The following RPAP1 variants were observed in gnomAD, a reference collection of about 807,000 sequenced individuals.
RPAP1 encodes RNA polymerase II-associated protein 1.
RPAP1 carries 109 observed loss-of-function variants against 142.4 expected under a neutral mutation model. That is an observed-to-expected ratio of 0.77 (90% CI 0.66 to 0.90). The LOEUF is 0.90. RPAP1 is among the 40% of genes least tolerant of loss of function. RPAP1 has a pLI of 0.00. For synonymous variants in RPAP1, 704 were observed against 738.9 expected (o/e 0.95, Z 0.77); for missense variants, 1,546 against 1,751.7 (o/e 0.88, Z 2.10).
At position 41,527,072 on chromosome 15, in the gene RPAP1, T is replaced by C. The variant is rs532481466; in HGVS notation, c.1747-4A>G. On this transcript the variant is annotated splice_region_variant and splice_polypyrimidine_tract_variant and intron_variant, in intron 13 of 24. Coordinates refer to ENST00000304330, the MANE Select transcript of RPAP1 (RefSeq NM_015540.4). ...TCAGCCGAGGGCACTCCAGGACCTA[T>C]GGGAGACAGGAGGTAAAAGGGAGGA... The C allele has an allele frequency of 5.6e-6, 9 of 1,613,574 alleles. No individual in the cohort carries two copies. Among genetic ancestry groups the C allele is most frequent in the East Asian group, 2.2e-5 (1 of 44,862 alleles).
rs764798018 is a variant in RPAP1 at position 41,521,143 on chromosome 15, T to C, written c.3043A>G (p.Arg1015Gly). 1.3e-5 allele frequency: 19 copies of C among 1,510,090 alleles called. No individual in the cohort carries two copies. The highest frequency in any genetic ancestry group is 8.1e-5 in the South Asian group (6 of 74,266). The allele number at this position is 1,510,090 out of a possible 1,614,324, so 93.5% of individuals were successfully genotyped here. ...CVFRLEFLPE[R>G]TSGGPEAADF... ...GCTGCCTCTGGACCCCCTGATGTTC[T>C]TTCCCTGTAATGGGACCCAAAAGCC... is the stretch of plus-strand genomic sequence containing the variant. The change falls in exon 22 of 25, where the codon AGA (arginine) becomes GGA (glycine). Residue 1015 changes from arginine to glycine, a missense_variant. Arg to Gly is a moderately radical substitution (Grantham distance 125). Around this residue, in one of 3 missense-constraint regions of RPAP1, gnomAD observed 1,333 missense variants for 1,486.6 expected, o/e 0.90. Coordinates refer to ENST00000304330, the MANE Select transcript of RPAP1 (RefSeq NM_015540.4).
rs1488896286 is a variant in RPAP1, at chr15:41,521,902, A to G, written c.2896-22T>C. 4 of 1,609,802 alleles carry G rather than the reference A, an allele frequency of 2.5e-6. No homozygotes were observed. In the African/African-American group the frequency reaches 5.3e-5, roughly 22 times the overall value. The stretch of plus-strand genomic sequence containing the variant: ...CTGCCTGCAGACAGAAAAGCAGGGA[A>G]CTACCTAGTACAGGAGAAGGGGACG... On this transcript the variant is annotated intron_variant, in intron 20 of 24. Transcript: ENST00000304330.
At position 41,522,478 on chromosome 15, in the gene RPAP1, C is replaced by T. The variant is rs2051737616; in HGVS notation, c.2743-228G>A. The T allele has an allele frequency of 7.0e-6, 4 of 573,490 alleles. No homozygotes were observed. The South Asian group carries it at 8.9e-5, about 13-fold the overall frequency. 35.5% of individuals were successfully genotyped at this position (573,490 alleles called of 1,614,324 possible). ...TGATCTCAGCTCACCGCAGCCTCCG[C>T]CTCCCGGGTTCAAGTGATTCTCCTG... On this transcript the variant is annotated intron_variant, in intron 19 of 24. Coordinates refer to ENST00000304330, the MANE Select transcript of RPAP1 (RefSeq NM_015540.4).
chr15:41,532,311 C>T (rs1282806891), intron 6 of RPAP1, among the ~76,000 whole-genome samples: 1 of 152,034 alleles, frequency 6.6e-6, no homozygotes, highest in Non-Finnish European at 1.5e-5. Flanking sequence ...TGAGCCTCCA[C>T]ACCTGGCTGT....
intron 2 of RPAP1, 90 bp downstream of exon 2, chr15:41,536,849 AATAATG>A: frequency 6.8e-7 from 1 of 1,465,146 alleles, no homozygotes; most frequent in Non-Finnish European, 9.3e-7. Context: ...TGTCTGAAAT[AATAATG>A]ATGTGTCTGA....
chr15:41,532,843 G>T (rs908284348), intron 6 of RPAP1, among the ~76,000 whole-genome samples: 1 of 151,948 alleles, frequency 6.6e-6, no homozygotes, highest in Non-Finnish European at 1.5e-5. Flanking sequence ...GCTGGGTGTG[G>T]TGGTGCACAT....
intron 6 of RPAP1, 131 bp downstream of exon 6, chr15:41,534,583 C>CAAAAA (rs764568682): frequency 1.1e-4 from 20 of 179,482 alleles, no homozygotes; most frequent in Middle Eastern, 1.8e-3. Flanking sequence ...AAGACCATCT[C>CAAAAA]AAAAAAAAAA....
chr15:41,539,640 G>A (rs1250150970), intron 1 of RPAP1, among the ~76,000 whole-genome samples: 4 of 151,970 alleles, frequency 2.6e-5, no homozygotes, highest in Non-Finnish European at 5.9e-5. Flanking sequence ...ATGTTGTACA[G>A]GCTGGTCTCG....
intron 14 of RPAP1, 30 bp from the exon 15 acceptor site, chr15:41,525,178 G>A (rs762777279): frequency 1.9e-6 from 3 of 1,570,552 alleles, no homozygotes; most frequent in African/African-American, 2.7e-5. Flanking sequence ...GAGGATCAGG[G>A]TCAGCTGTGA....
In RPAP1 at chr15:41,524,258, G is replaced by A; in HGVS notation, c.2076-4C>T. The A allele has an allele frequency of 6.6e-7, 1 of 1,515,900 alleles. No homozygotes were observed. The highest frequency in any genetic ancestry group is 8.8e-7 in the Non-Finnish European group (1 of 1,132,172). The allele number at this position is 1,515,900 out of a possible 1,614,324, so 93.9% of individuals were successfully genotyped here. ...CATCAGCACTGGGTAGAGCTCCCTAGGGAAGAACAGGGACTGATTTTCACT... is the reference window on the plus strand; with the variant it reads ...CATCAGCACTGGGTAGAGCTCCCTAAGGAAGAACAGGGACTGATTTTCACT... On this transcript the variant is annotated splice_region_variant and splice_polypyrimidine_tract_variant and intron_variant, in intron 15 of 24. Transcript: ENST00000304330.
chr15:41,539,892 G>A (rs2140792021), intron 1 of RPAP1, among the ~76,000 whole-genome samples: 1 of 152,154 alleles, frequency 6.6e-6, no homozygotes. Flanking sequence ...AATTAGCCGG[G>A]TGTGGTGGCA....
At chr15:41,518,658 AAC>A (rs2051693329) in intron 22 of RPAP1, among the ~76,000 whole-genome samples, 1 of 149,334 alleles carries the variant, frequency 6.7e-6, no homozygotes, top group South Asian at 2.1e-4. Context: ...CAGCCTGGGC[AAC>A]AGAGCAAGAC....
At chr15:41,536,410 AC>A in intron 3 of RPAP1, 90 bp downstream of exon 3, 1 of 1,519,340 alleles carries the variant, frequency 6.6e-7, no homozygotes. Context: ...TTTCTGAAGC[AC>A]CCTCCACTGA....
At chr15:41,521,236 T>C (rs1479484080) in intron 21 of RPAP1, 89 bp from the exon 22 acceptor site, 46 of 1,323,380 alleles carry the variant, frequency 3.5e-5, no homozygotes, top group Non-Finnish European at 4.8e-5. Context: ...TGGAGGCTCC[T>C]AGGTCCAGAC....
In RPAP1 at chr15:41,536,985, C is replaced by T; in HGVS notation, c.141G>A (p.Arg47=). The T allele has an allele frequency of 1.2e-6, 2 of 1,614,102 alleles. No individual in the cohort carries two copies. Among genetic ancestry groups the T allele is most frequent in the Non-Finnish European group, 1.7e-6 (2 of 1,180,022 alleles). ...CATCCCGATGGTCCTGGAGCGGAGG[C>T]CGGTCTGAGTTGGCATCACCACCGC... ...NRGGGDANSD[R]PPLQDHRDVV... The change falls in exon 2 of 25, where the codon CGG becomes CGA. Residue 47 remains arginine (R), a synonymous_variant. Transcript: ENST00000304330.
Position 41,536,228 on chromosome 15 carries a change from C to A in RPAP1, c.331-10G>T. The A allele has an allele frequency of 6.2e-7, 1 of 1,613,056 alleles. No individual in the cohort carries two copies. Among genetic ancestry groups the A allele is most frequent in the Non-Finnish European group, 8.5e-7 (1 of 1,179,184 alleles). On this transcript the variant is annotated splice_polypyrimidine_tract_variant and intron_variant, in intron 3 of 24. Coordinates refer to ENST00000304330, the MANE Select transcript of RPAP1 (RefSeq NM_015540.4). ...AACTTGTATCTCGTTCCTGTAGCAACAAAGCACAAAGTTGTGAAGCACAAT... is the reference window on the plus strand; with the variant it reads ...AACTTGTATCTCGTTCCTGTAGCAAAAAAGCACAAAGTTGTGAAGCACAAT...
chr15:41,543,383 G>A (rs988923488), intron 1 of RPAP1, among the ~76,000 whole-genome samples: 1 of 151,740 alleles, frequency 6.6e-6, no homozygotes, highest in Non-Finnish European at 1.5e-5. Context: ...CTAATTTTTT[G>A]TATTTTTTTA....
chr15:41,521,982 G>T, intron 20 of RPAP1, 102 bp from the exon 21 acceptor site: 1 of 1,558,132 alleles, frequency 6.4e-7, no homozygotes, highest in East Asian at 2.3e-5. Flanking sequence ...CAGAGGTCCA[G>T]GGCATGTCTG....
rs575978774 is a variant in RPAP1 at position 41,535,583 on chromosome 15, G to A, written c.470C>T (p.Ala157Val). The A allele has an allele frequency of 2.7e-5, 44 of 1,613,834 alleles. No individual in the cohort carries two copies. Among genetic ancestry groups the A allele is most frequent in the South Asian group, 1.1e-4 (10 of 91,040 alleles). ...GKRSIFAQEI[A>V]ARRIAEAKGP... ...CTTGGCTTCAGCTATCCTCCTTGCCGCAATTTCCTGGGCAAAGATGCTTCT... is the reference window on the plus strand; with the variant it reads ...CTTGGCTTCAGCTATCCTCCTTGCCACAATTTCCTGGGCAAAGATGCTTCT... Residue 157 changes from alanine to valine, a missense_variant, in exon 5 of 25, where the codon GCG becomes GTG. Transcript: ENST00000304330.
Sources: allele counts gnomAD v4.1 joint callset (sites outside exome capture counted in the v4.1 genomes callset), GRCh38; gene constraint gnomAD v4.1.1; regional missense constraint gnomAD v4.1.1; transcripts MANE v1.5; gene names NCBI Gene and HGNC (gene_info 2026-07-23, HGNC 2026-07-21).